The following TMEM74 variants were observed in gnomAD, a reference collection of about 807,000 sequenced individuals.
TMEM74 encodes transmembrane protein 74.
TMEM74 carries 13 observed loss-of-function variants against 18.1 expected under a neutral mutation model. The observed-to-expected ratio is 0.72, with a 90% CI of 0.47 to 1.14. The LOEUF (loss-of-function observed/expected upper bound fraction) is 1.14. TMEM74 is among the 50% of genes most tolerant of loss of function. The probability of loss-of-function intolerance (pLI) is 0.00; values close to 1 mark genes in which losing one functional copy is unlikely to be tolerated. For synonymous variants in TMEM74, 159 were observed against 146.6 expected, an observed-to-expected ratio of 1.08 and a Z score of -0.61; for missense variants, 372 against 375.9, an observed-to-expected ratio of 0.99 and a Z score of 0.09.
intron 2 of TMEM74, among the ~76,000 whole-genome samples, chr8:108,636,532 G>A (rs1777745756): frequency 6.6e-6 from 1 of 152,010 alleles, no homozygotes; most frequent in Admixed American, 6.6e-5. Context: ...CTCTCCTTGG[G>A]AATGACTTTC....
downstream of TMEM74, among the ~76,000 whole-genome samples, chr8:108,776,749 G>C (rs1257498444): frequency 6.6e-6 from 1 of 151,624 alleles, no homozygotes; most frequent in Non-Finnish European, 1.5e-5. Context: ...TGATGATGAT[G>C]ATGATGATGA....
chr8:108,759,374 T>C (rs761930166), intron 1 of TMEM74, among the ~76,000 whole-genome samples: 2 of 152,152 alleles, frequency 1.3e-5, no homozygotes, highest in South Asian at 4.1e-4. Flanking sequence ...TACCTATTAT[T>C]CATCAATTAT....
At chr8:108,727,267 G>C (rs1253690682) in intron 1 of TMEM74, among the ~76,000 whole-genome samples, 1 of 152,164 alleles carries the variant, frequency 6.6e-6, no homozygotes, top group African/African-American at 2.4e-5. Context: ...CACTCCAGCT[G>C]CTGTGTGGAG....
chr8:108,735,056 A>G (rs955870351), intron 1 of TMEM74, among the ~76,000 whole-genome samples: 1 of 152,124 alleles, frequency 6.6e-6, no homozygotes, highest in African/African-American at 2.4e-5. Context: ...TAATTCCATC[A>G]TCATTCTCCG....
intron 1 of TMEM74, among the ~76,000 whole-genome samples, chr8:108,759,545 T>C (rs1237479057): frequency 6.6e-6 from 1 of 152,016 alleles, no homozygotes; most frequent in African/African-American, 2.4e-5. Context: ...GCAAAATGAA[T>C]GGGGTAGCTC....
At chr8:108,722,404 A>G (rs1446986690) in intron 1 of TMEM74, among the ~76,000 whole-genome samples, 1 of 152,210 alleles carries the variant, frequency 6.6e-6, no homozygotes, top group African/African-American at 2.4e-5. Context: ...GCTATGGTGA[A>G]CAACTTGAAG....
At chr8:108,694,494 C>T (rs1320029204) in intron 1 of TMEM74, among the ~76,000 whole-genome samples, 1 of 152,090 alleles carries the variant, frequency 6.6e-6, no homozygotes, top group Non-Finnish European at 1.5e-5. Flanking sequence ...ATAGAAACTT[C>T]ATAAGTTTTT....
chr8:108,766,237 TTCTC>T (rs1371937962), intron 1 of TMEM74, among the ~76,000 whole-genome samples: 1 of 152,110 alleles, frequency 6.6e-6, no homozygotes, highest in Non-Finnish European at 1.5e-5. Context: ...TCTTCTTTCT[TTCTC>T]TCTCTGTCTC....
At chr8:108,744,303 A>G (rs1813828449) in intron 1 of TMEM74, among the ~76,000 whole-genome samples, 1 of 152,202 alleles carries the variant, frequency 6.6e-6, no homozygotes. Context: ...AAAATTTCAA[A>G]TAATAATGGT....
intron 1 of TMEM74, among the ~76,000 whole-genome samples, chr8:108,785,874 G>C (rs1236620310): frequency 6.6e-6 from 1 of 152,100 alleles, no homozygotes; most frequent in African/African-American, 2.4e-5. Flanking sequence ...GCTCCATGGG[G>C]GAAGCATGTT....
chr8:108,728,778 G>A (rs1472356260), intron 1 of TMEM74, among the ~76,000 whole-genome samples: 1 of 152,068 alleles, frequency 6.6e-6, no homozygotes, highest in Non-Finnish European at 1.5e-5. Flanking sequence ...ATAATTCACA[G>A]GCCATTCTTC....
intron 1 of TMEM74, among the ~76,000 whole-genome samples, chr8:108,765,318 T>G (rs1814091992): frequency 6.6e-6 from 1 of 151,936 alleles, no homozygotes; most frequent in Admixed American, 6.6e-5. Flanking sequence ...CTGAGAGGCT[T>G]CCATCATCCT....
At chr8:108,728,409 G>A (rs777384647) in intron 1 of TMEM74, among the ~76,000 whole-genome samples, 1 of 152,144 alleles carries the variant, frequency 6.6e-6, no homozygotes, top group Non-Finnish European at 1.5e-5. Flanking sequence ...TAACTGGTAG[G>A]AAGGTAGAGT....
intron 2 of TMEM74, among the ~76,000 whole-genome samples, chr8:108,611,460 G>A (rs963347345): frequency 3.8e-4 from 58 of 152,180 alleles, no homozygotes; most frequent in African/African-American, 1.4e-3. Flanking sequence ...ATTATAGTTA[G>A]TATTTCATAT....
In TMEM74 at chr8:108,779,925, T is replaced by C. The variant is rs1449667876; in HGVS notation, c.*4256A>G. Among the ~76,000 whole-genome samples the C allele has an allele frequency of 6.6e-6, 1 of 152,136 alleles. No individual in the cohort carries two copies. Among genetic ancestry groups the C allele is most frequent in the African/African-American group, 2.4e-5 (1 of 41,436 alleles). On this transcript the variant is annotated 3_prime_UTR_variant, in exon 2 of 2. Coordinates refer to ENST00000297459, the MANE Select transcript of TMEM74 (RefSeq NM_153015.3). ...AATTATTTCCCAAGACTTATAAAATTTGTGAGATGATAATATAGAATATTA... is the reference window on the plus strand; with the variant it reads ...AATTATTTCCCAAGACTTATAAAATCTGTGAGATGATAATATAGAATATTA...
In TMEM74 at chr8:108,609,824, A is replaced by T. The variant is rs60231103; in HGVS notation, n.265-998T>A. On this transcript the variant is annotated intron_variant and non_coding_transcript_variant, in intron 2 of 3. Coordinates refer to the TMEM74 transcript ENST00000518838. ...TATTGTCATTCTGCTCATCCCTTCC[A>T]TTAAAATCCTTCAAGCAATTGCTTA... Among the ~76,000 whole-genome samples the T allele has an allele frequency of 6.3e-3, 954 of 152,326 alleles. 17 individuals carry two copies. Among genetic ancestry groups the T allele is most frequent in the African/African-American group, 0.022 (917 of 41,572 alleles).
At chr8:108,728,494 C>T (rs117833432) in intron 1 of TMEM74, among the ~76,000 whole-genome samples, 2 of 152,090 alleles carry the variant, frequency 1.3e-5, no homozygotes, top group African/African-American at 2.4e-5. Flanking sequence ...GATCATAGAA[C>T]CTTTTCCCCT....
chr8:108,664,774 A>T (rs529861063), intron 1 of TMEM74, among the ~76,000 whole-genome samples: 2 of 152,010 alleles, frequency 1.3e-5, no homozygotes, highest in African/African-American at 4.8e-5. Flanking sequence ...CAAGTAGAGG[A>T]TGTTAAGAGA....
At chr8:108,634,282 A>G (rs968157343) in intron 2 of TMEM74, among the ~76,000 whole-genome samples, 8 of 152,120 alleles carry the variant, frequency 5.3e-5, no homozygotes, top group Admixed American at 5.2e-4. Flanking sequence ...ATACCAGCTG[A>G]TGAAATAAGC....
Sources: allele counts gnomAD v4.1 joint callset (sites outside exome capture counted in the v4.1 genomes callset), GRCh38; gene constraint gnomAD v4.1.1; transcripts MANE v1.5; gene names NCBI Gene and HGNC (gene_info 2026-07-23, HGNC 2026-07-21).